KLF8: variants seen among roughly 807,000 people sequenced by gnomAD.
KLF8 encodes Krueppel-like factor 8.
KLF8 carries 10 observed loss-of-function variants against 18.2 expected under a neutral mutation model. That is an observed-to-expected ratio of 0.55 (90% confidence interval 0.34 to 0.93). The LOEUF (loss-of-function observed/expected upper bound fraction) is 0.93, where lower values mean the gene tolerates loss of function less well. Ranked by LOEUF, KLF8 falls within the 40% of genes least tolerant of loss-of-function variation. The pLI is 0.02. For synonymous variants in KLF8, 109 were observed against 97.3 expected (o/e 1.12, Z -0.71); for missense variants, 264 against 277.9 (o/e 0.95, Z 0.36).
the KLF8 span, among the ~76,000 whole-genome samples, chrX:56,182,188 C>A: frequency 8.9e-6 from 1 of 111,779 alleles, no homozygotes; most frequent in Non-Finnish European, 1.9e-5. Flanking sequence ...CTAAACTTCT[C>A]TTCTCGCTTC....
At chrX:56,178,617 T>G in the KLF8 span, among the ~76,000 whole-genome samples, 174 of 112,447 alleles carry the variant, frequency 1.5e-3, 2 homozygotes, top group Non-Finnish European at 2.9e-3. Flanking sequence ...ATAGTTTTAG[T>G]TCTAACTTTT....
chrX:55,942,513 TATA>T, the KLF8 span, among the ~76,000 whole-genome samples: 1 of 110,736 alleles, frequency 9.0e-6, no homozygotes, highest in Non-Finnish European at 1.9e-5. Context: ...AAACTTAAAG[TATA>T]ATAATAATAA....
chrX:56,186,771 T>C, the KLF8 span, among the ~76,000 whole-genome samples: 5 of 112,352 alleles, frequency 4.5e-5, no homozygotes, highest in African/African-American at 6.5e-5. Context: ...TGCTCCTGAA[T>C]GACTACTGGG....
chrX:56,149,936 G>C, the KLF8 span, among the ~76,000 whole-genome samples: 2 of 110,934 alleles, frequency 1.8e-5, no homozygotes, highest in Non-Finnish European at 3.8e-5. Context: ...AAACTTTAGA[G>C]ACTTCTATTA....
chrX:55,968,833 T>C, the KLF8 span, among the ~76,000 whole-genome samples: 1 of 111,898 alleles, frequency 8.9e-6, no homozygotes, highest in Non-Finnish European at 1.9e-5. Context: ...ACATCTTTAT[T>C]AGGAGCATGA....
At chrX:56,214,354 T>C in the KLF8 span, among the ~76,000 whole-genome samples, 5 of 112,355 alleles carry the variant, frequency 4.5e-5, no homozygotes, top group East Asian at 1.1e-3. Context: ...TTTAAGTACT[T>C]TGTGGATTAT....
the KLF8 span, among the ~76,000 whole-genome samples, chrX:56,114,682 C>T: frequency 3.6e-5 from 4 of 112,459 alleles, no homozygotes; most frequent in Non-Finnish European, 7.5e-5. Context: ...CTTTAGTTTG[C>T]CTATCTGATA....
the KLF8 span, among the ~76,000 whole-genome samples, chrX:56,210,024 T>A: frequency 1.8e-5 from 2 of 112,312 alleles, no homozygotes; most frequent in Non-Finnish European, 3.8e-5. Flanking sequence ...TTGTAGTTTT[T>A]ATTTTTTATT....
chrX:55,945,337 C>T, the KLF8 span, among the ~76,000 whole-genome samples: 4 of 110,761 alleles, frequency 3.6e-5, no homozygotes, highest in African/African-American at 9.9e-5. Context: ...TCTGTAGATG[C>T]CTATTAGGTC....
chrX:56,010,577 G>C, the KLF8 span, among the ~76,000 whole-genome samples: 2 of 111,586 alleles, frequency 1.8e-5, no homozygotes, highest in East Asian at 5.6e-4. Context: ...TAACCAGCTA[G>C]CATCATGATG....
the KLF8 span, among the ~76,000 whole-genome samples, chrX:56,080,285 A>G: frequency 1.8e-5 from 2 of 110,718 alleles, no homozygotes; most frequent in Admixed American, 9.6e-5. Flanking sequence ...AGTGGCTGGT[A>G]CCGGTTGTTC....
the KLF8 span, among the ~76,000 whole-genome samples, chrX:56,177,361 G>A: frequency 9.9e-5 from 11 of 110,972 alleles, no homozygotes; most frequent in Non-Finnish European, 1.3e-4. Context: ...GTTTGCTGGC[G>A]GTCCACTTCA....
the KLF8 span, among the ~76,000 whole-genome samples, chrX:56,062,674 GTGT>G: frequency 2.5e-4 from 28 of 110,228 alleles, no homozygotes; most frequent in Non-Finnish European, 5.0e-4. Flanking sequence ...TAACTTTGTG[GTGT>G]TCTCTGTATT....
At chrX:56,083,864 G>C in the KLF8 span, among the ~76,000 whole-genome samples, 6 of 111,618 alleles carry the variant, frequency 5.4e-5, no homozygotes. Flanking sequence ...ATCTGAGGTG[G>C]AACAGCTTCA....
intron 2 of KLF8, among the ~76,000 whole-genome samples, chrX:56,257,379 T>G (rs1013659174): frequency 8.9e-5 from 10 of 112,000 alleles, no homozygotes; most frequent in Non-Finnish European, 1.9e-4. Context: ...AACTTTTATT[T>G]TAGATTCAGG....
the KLF8 span, among the ~76,000 whole-genome samples, chrX:56,128,735 C>T: frequency 8.9e-6 from 1 of 111,802 alleles, no homozygotes; most frequent in Non-Finnish European, 1.9e-5. Flanking sequence ...AGTTTTCTAA[C>T]ACTGCATTCA....
At chrX:56,213,246 C>A in the KLF8 span, among the ~76,000 whole-genome samples, 14 of 104,250 alleles carry the variant, frequency 1.3e-4, no homozygotes, top group African/African-American at 4.6e-4. Context: ...CTCCTGTTCT[C>A]ATCTTTTAAA....
At chrX:56,190,542 A>G in the KLF8 span, among the ~76,000 whole-genome samples, 5 of 111,672 alleles carry the variant, frequency 4.5e-5, no homozygotes, top group African/African-American at 1.6e-4. Context: ...TTTCCTTGGC[A>G]TAAGTATCAT....
chrX:56,070,779 A>T, the KLF8 span, among the ~76,000 whole-genome samples: 1 of 112,689 alleles, frequency 8.9e-6, no homozygotes, highest in Non-Finnish European at 1.9e-5. Flanking sequence ...TGGAACTATA[A>T]GTAAAATAAT....
Sources: allele counts gnomAD v4.1 joint callset (sites outside exome capture counted in the v4.1 genomes callset), GRCh38; gene constraint gnomAD v4.1.1; transcripts MANE v1.5; gene names NCBI Gene and HGNC (gene_info 2026-07-23, HGNC 2026-07-21).